SMYD3: variants seen among roughly 807,000 people sequenced by gnomAD.
SMYD3 encodes the protein SET and MYND domain containing 3.
A neutral mutation model predicts 57.7 loss-of-function variants in SMYD3; 36 were observed. The observed-to-expected ratio is 0.62, with a 90% CI of 0.48 to 0.82. The LOEUF (loss-of-function observed/expected upper bound fraction) is 0.82. Ranked by LOEUF, SMYD3 falls within the 40% of genes least tolerant of loss-of-function variation. SMYD3 has a pLI of 0.00. For synonymous variants in SMYD3, 211 were observed against 195.0 expected, an observed-to-expected ratio of 1.08 and a Z score of -0.68; for missense variants, 515 against 538.8, an observed-to-expected ratio of 0.96 and a Z score of 0.44.
chr1:246,132,581 A>T (rs2148072877), intron 5 of SMYD3, among the ~76,000 whole-genome samples: 1 of 152,258 alleles, frequency 6.6e-6, no homozygotes, highest in South Asian at 2.1e-4. Flanking sequence ...TTGAGCAATG[A>T]TTACTCAGGT....
chr1:245,766,684 G>A (rs1043088862), intron 10 of SMYD3, among the ~76,000 whole-genome samples: 5 of 152,106 alleles, frequency 3.3e-5, no homozygotes, highest in African/African-American at 1.2e-4. Context: ...TTATTACTAC[G>A]AATGTAGCAT....
At chr1:245,764,220 A>G (rs2045975159) in intron 10 of SMYD3, 71 bp from the exon 11 acceptor site, 1 of 1,004,684 alleles carries the variant, frequency 1.0e-6, no homozygotes, top group African/African-American at 1.6e-5. Flanking sequence ...TCAGGAGACT[A>G]CGAAAGTGGA....
chr1:246,002,427 A>G (rs187283557), intron 5 of SMYD3, among the ~76,000 whole-genome samples: 5,443 of 17,166 alleles, frequency 0.32, 1,947 homozygotes, highest in Middle Eastern at 0.62. Context: ...CTCGTGATCC[A>G]CCCGCCTCGG....
At chr1:245,987,958 G>C (rs983225579) in intron 5 of SMYD3, among the ~76,000 whole-genome samples, 1 of 152,238 alleles carries the variant, frequency 6.6e-6, no homozygotes, top group Non-Finnish European at 1.5e-5. Context: ...TGCTTCAGCT[G>C]ATCTGGCATG....
intron 1 of SMYD3, among the ~76,000 whole-genome samples, chr1:246,412,035 A>G (rs2066984432): frequency 6.6e-6 from 1 of 150,402 alleles, no homozygotes; most frequent in Non-Finnish European, 1.5e-5. Context: ...TCCCCTTGTC[A>G]CCTCTCCCTG....
chr1:246,107,212 G>A lies in SMYD3; in HGVS notation c.532-177275C>T, dbSNP rs180686986. On this transcript the variant is annotated intron_variant, in intron 5 of 11. Coordinates refer to ENST00000490107, the MANE Select transcript of SMYD3 (RefSeq NM_001167740.2). ...TGAGGCAGGAGAATGGTGTGAACCT[G>A]GGAGGCGGAGCTTGCAGTGAGCCGA... 1.7e-3 allele frequency among the ~76,000 whole-genome samples: 263 copies of A among 151,644 alleles called. 2 individuals carry two copies. The highest frequency in any genetic ancestry group is 5.9e-3 in the African/African-American group (244 of 41,312).
At chr1:246,472,655 G>T (rs1406680573) in intron 1 of SMYD3, among the ~76,000 whole-genome samples, 1 of 151,802 alleles carries the variant, frequency 6.6e-6, no homozygotes, top group Non-Finnish European at 1.5e-5. Context: ...GATAGGGGAG[G>T]ATCGCTTAAT....
chr1:246,501,705 T>G (rs1256415153), intron 1 of SMYD3, among the ~76,000 whole-genome samples: 1 of 152,174 alleles, frequency 6.6e-6, no homozygotes, highest in East Asian at 1.9e-4. Context: ...AACCTAGCAA[T>G]CCTAGGTAAA....
intron 5 of SMYD3, among the ~76,000 whole-genome samples, chr1:246,127,126 T>A (rs1207917701): frequency 6.6e-6 from 1 of 152,110 alleles, no homozygotes; most frequent in Non-Finnish European, 1.5e-5. Context: ...AAGGAAAATA[T>A]CATTTGCTCA....
chr1:245,840,695 A>C (rs2050356998), intron 10 of SMYD3, among the ~76,000 whole-genome samples: 1 of 152,204 alleles, frequency 6.6e-6, no homozygotes, highest in Admixed American at 6.5e-5. Context: ...AAATCTAAAA[A>C]TACTACATAG....
intron 5 of SMYD3, chr1:246,026,171 AATGAAAACCC>A (rs774341105): frequency 1.3e-5 from 2 of 152,192 alleles, no homozygotes; most frequent in Non-Finnish European, 2.9e-5. Context: ...AAGAAAAGAA[AATGAAAACCC>A]ATACCAGAAA....
intron 1 of SMYD3, among the ~76,000 whole-genome samples, chr1:246,443,146 A>G (rs577201898): frequency 6.6e-6 from 1 of 152,198 alleles, no homozygotes; most frequent in African/African-American, 2.4e-5. Context: ...ACATATATAC[A>G]TGCCTAAGAA....
intron 5 of SMYD3, among the ~76,000 whole-genome samples, chr1:245,980,660 A>G (rs1392113214): frequency 6.6e-6 from 1 of 152,218 alleles, no homozygotes; most frequent in Admixed American, 6.5e-5. Flanking sequence ...TAATTCAAGA[A>G]CATGACAAAT....
intron 5 of SMYD3, among the ~76,000 whole-genome samples, chr1:245,947,593 G>A (rs10924400): frequency 0.16 from 24,059 of 152,110 alleles, 3,109 homozygotes; most frequent in African/African-American, 0.35. Flanking sequence ...TAAATTACCA[G>A]AATTTACCAG....
chr1:245,888,652 T>C (rs1044078018), intron 8 of SMYD3, among the ~76,000 whole-genome samples: 2 of 152,234 alleles, frequency 1.3e-5, no homozygotes, highest in Non-Finnish European at 2.9e-5. Flanking sequence ...TTTAACTGAC[T>C]TTCTGACAAA....
chr1:246,498,857 T>C (rs1388356716), intron 1 of SMYD3, among the ~76,000 whole-genome samples: 1 of 151,946 alleles, frequency 6.6e-6, no homozygotes, highest in Non-Finnish European at 1.5e-5. Flanking sequence ...GGCACGATCA[T>C]GGCTCACTGC....
intron 5 of SMYD3, among the ~76,000 whole-genome samples, chr1:246,303,190 T>G (rs2148617881): frequency 6.6e-6 from 1 of 152,292 alleles, no homozygotes; most frequent in East Asian, 1.9e-4. Flanking sequence ...AAGTATAAAA[T>G]TCTGCTAATA....
At chr1:245,858,347 A>C (rs186602557) in intron 10 of SMYD3, 149 bp downstream of exon 10, 1 of 790,750 alleles carries the variant, frequency 1.3e-6, no homozygotes, top group Admixed American at 3.2e-5. Context: ...AGAGGAGTGA[A>C]TAAAATAAGA....
intron 5 of SMYD3, among the ~76,000 whole-genome samples, chr1:246,119,688 C>T (rs1339219467): frequency 6.6e-6 from 1 of 152,194 alleles, no homozygotes; most frequent in Non-Finnish European, 1.5e-5. Context: ...GCTGCCATTA[C>T]AGGCATAAGC....
Sources: allele counts gnomAD v4.1 joint callset (sites outside exome capture counted in the v4.1 genomes callset), GRCh38; gene constraint gnomAD v4.1.1; transcripts MANE v1.5; gene names NCBI Gene and HGNC (gene_info 2026-07-23, HGNC 2026-07-21).